Variants in IMMP2L observed in about 807,000 individuals in gnomAD.
IMMP2L encodes the protein mitochondrial inner membrane protease subunit 2.
IMMP2L carries 18 observed loss-of-function variants against 19.3 expected under a neutral mutation model. The ratio of observed to expected loss-of-function variants is 0.93; its 90% CI spans 0.64 to 1.38. The LOEUF (loss-of-function observed/expected upper bound fraction) is 1.38. IMMP2L is among the 40% of genes most tolerant of loss of function. The pLI is 0.00. For synonymous variants in IMMP2L, 76 were observed against 73.0 expected (o/e 1.04, Z -0.21); for missense variants, 233 against 218.2 (o/e 1.07, Z -0.43).
chr7:110,895,668 T>A (rs556285608), intron 4 of IMMP2L, among the ~76,000 whole-genome samples: 1 of 152,208 alleles, frequency 6.6e-6, no homozygotes, highest in Non-Finnish European at 1.5e-5. Flanking sequence ...ACATAGCATA[T>A]CTTTCCAATT....
chr7:111,074,787 C>A (rs1795245865), intron 3 of IMMP2L, among the ~76,000 whole-genome samples: 1 of 152,132 alleles, frequency 6.6e-6, no homozygotes, highest in Non-Finnish European at 1.5e-5. Flanking sequence ...AGATTGCAAT[C>A]ACGTATTTGG....
chr7:111,404,752 A>T (rs1833773771), intron 3 of IMMP2L, among the ~76,000 whole-genome samples: 1 of 152,126 alleles, frequency 6.6e-6, no homozygotes, highest in African/African-American at 2.4e-5. Context: ...GTAGCCCACA[A>T]TTCCCTAAAG....
At chr7:111,411,528 A>C (rs1396283553) in intron 3 of IMMP2L, 2 of 411,674 alleles carry the variant, frequency 4.9e-6, no homozygotes, top group Non-Finnish European at 9.7e-6. Flanking sequence ...ATTAGAATAA[A>C]GTCCAGAGGT....
At chr7:111,100,099 C>T (rs886958894) in intron 3 of IMMP2L, 6 of 151,538 alleles carry the variant, frequency 4.0e-5, no homozygotes, top group Non-Finnish European at 7.4e-5. Context: ...CTCTGAAGCC[C>T]ATGTTATGGT....
intron 3 of IMMP2L, among the ~76,000 whole-genome samples, chr7:111,060,925 T>C (rs1187955416): frequency 6.6e-6 from 1 of 152,210 alleles, no homozygotes; most frequent in African/African-American, 2.4e-5. Flanking sequence ...AACCTACATA[T>C]TACGGTTCTC....
intron 3 of IMMP2L, among the ~76,000 whole-genome samples, chr7:111,254,692 A>G (rs1415535102): frequency 2.0e-5 from 3 of 152,082 alleles, no homozygotes; most frequent in African/African-American, 7.2e-5. Flanking sequence ...TGGTTCCAGG[A>G]CCACCCACAT....
At chr7:111,303,129 A>C (rs2130049668) in intron 3 of IMMP2L, among the ~76,000 whole-genome samples, 1 of 152,278 alleles carries the variant, frequency 6.6e-6, no homozygotes, top group South Asian at 2.1e-4. Flanking sequence ...ATGCATTTCT[A>C]AGTATACATT....
intron 3 of IMMP2L, among the ~76,000 whole-genome samples, chr7:111,147,312 T>C (rs1803585678): frequency 6.6e-6 from 1 of 152,120 alleles, no homozygotes. Context: ...ATGGTTCACA[T>C]AAATCAATAA....
chr7:111,200,820 A>T (rs1047724283), intron 3 of IMMP2L, among the ~76,000 whole-genome samples: 2 of 152,170 alleles, frequency 1.3e-5, no homozygotes, highest in Non-Finnish European at 2.9e-5. Flanking sequence ...CAGATAAAAG[A>T]CAAAAAGGCA....
At chr7:110,938,651 G>A (rs891165549) in intron 4 of IMMP2L, among the ~76,000 whole-genome samples, 8 of 152,008 alleles carry the variant, frequency 5.3e-5, no homozygotes, top group African/African-American at 1.2e-4. Flanking sequence ...ATATTTGGGC[G>A]ATGGGTACAG....
intron 3 of IMMP2L, among the ~76,000 whole-genome samples, chr7:111,128,648 A>C (rs1297628514): frequency 6.6e-6 from 1 of 152,158 alleles, no homozygotes; most frequent in Non-Finnish European, 1.5e-5. Flanking sequence ...AACATGGTGA[A>C]ACTCCGTCTC....
chr7:111,209,396 C>CAAAAAAAAA (rs368679362), intron 3 of IMMP2L, among the ~76,000 whole-genome samples: 1 of 88,586 alleles, frequency 1.1e-5, no homozygotes, highest in Non-Finnish European at 2.1e-5. Flanking sequence ...GACTCCTTCT[C>CAAAAAAAAA]AAAAAAAAAA....
chr7:111,177,893 C>T lies in IMMP2L; in HGVS notation c.240-214328G>A, dbSNP rs1807253094. On this transcript the variant is annotated intron_variant, in intron 3 of 5. Coordinates refer to ENST00000405709, the MANE Select transcript of IMMP2L (RefSeq NM_032549.4). ...CAGAGGGCAGGAAGTTAAATCCTGG[C>T]TTCCACATTCCCTGTGTGCCTTTTC... Among the ~76,000 whole-genome samples the T allele has an allele frequency of 2.0e-5, 3 of 152,058 alleles. No homozygotes were observed. In the South Asian group the frequency reaches 6.2e-4, roughly 31 times the overall value.
intron 3 of IMMP2L, among the ~76,000 whole-genome samples, chr7:111,267,234 G>A (rs181406493): frequency 8.8e-4 from 134 of 151,746 alleles, no homozygotes; most frequent in African/African-American, 3.2e-3. Context: ...AATACGCATG[G>A]TCTCAAACAT....
At chr7:110,950,858 A>ATATATATATATATATG (rs1554470744) in intron 4 of IMMP2L, among the ~76,000 whole-genome samples, 45 of 136,278 alleles carry the variant, frequency 3.3e-4, no homozygotes, top group African/African-American at 7.8e-4. Context: ...ATATATATAT[A>ATATATATATATATATG]TATATATATA....
At chr7:111,235,240 G>A (rs1222046764) in intron 3 of IMMP2L, among the ~76,000 whole-genome samples, 1 of 152,100 alleles carries the variant, frequency 6.6e-6, no homozygotes, top group African/African-American at 2.4e-5. Context: ...GGGAGGCTGA[G>A]GCAGGCAGAT....
intron 3 of IMMP2L, among the ~76,000 whole-genome samples, chr7:111,131,717 C>A (rs772314575): frequency 3.3e-5 from 5 of 151,624 alleles, no homozygotes; most frequent in Admixed American, 6.6e-5. Context: ...TTTATGTGAT[C>A]CTCATGAAAT....
chr7:110,943,882 G>A lies in IMMP2L; in HGVS notation c.305+19618C>T, dbSNP rs549697166. Among the ~76,000 whole-genome samples, 21 of 152,084 alleles carry A rather than the reference G, an allele frequency of 1.4e-4. 1 individual carries two copies. The East Asian group carries it at 4.1e-3, about 29-fold the overall frequency. On this transcript the variant is annotated intron_variant, in intron 4 of 5. Coordinates refer to ENST00000405709, the MANE Select transcript of IMMP2L (RefSeq NM_032549.4). ...GAGAAAAATGAAAACAGATGGCTGA[G>A]ACTCATGTTCTTTACTACTTGCTTT...
At chr7:111,075,679 TAATA>T (rs1795341099) in intron 3 of IMMP2L, among the ~76,000 whole-genome samples, 1 of 152,086 alleles carries the variant, frequency 6.6e-6, no homozygotes, top group Non-Finnish European at 1.5e-5. Flanking sequence ...TCACATTAGA[TAATA>T]GAGTGCCCGA....
Sources: gnomAD v4.1 joint callset for allele counts (sites outside exome capture counted in the v4.1 genomes callset) on GRCh38, gnomAD v4.1.1 for gene constraint, MANE v1.5 for transcripts, NCBI Gene and HGNC (gene_info 2026-07-23, HGNC 2026-07-21) for gene names.